DENND2B: variants seen among roughly 807,000 people sequenced by gnomAD.
The protein encoded by DENND2B is DENN domain containing 2B.
DENND2B carries 32 observed loss-of-function variants against 116.0 expected under a neutral mutation model. The ratio of observed to expected loss-of-function variants is 0.28; its 90% CI spans 0.21 to 0.37. The LOEUF is 0.37. Among genes scored for constraint, DENND2B ranks in the 10% least tolerant of loss-of-function variants. The pLI, the probability that DENND2B is intolerant of heterozygous loss-of-function variation, is 1.00. For missense variants in DENND2B, 1,276 were observed against 1,477.7 expected, an observed-to-expected ratio of 0.86 and a Z score of 2.24; for synonymous variants, 588 against 583.9, an observed-to-expected ratio of 1.01 and a Z score of -0.10.
chr11:8,851,025 G>A (rs2062986955), intron 3 of DENND2B, among the ~76,000 whole-genome samples: 1 of 152,100 alleles, frequency 6.6e-6, no homozygotes, highest in African/African-American at 2.4e-5. Flanking sequence ...CAGAGGCTAG[G>A]GGATGAAGGG....
At chr11:8,746,184 G>A (rs978180723) in intron 2 of DENND2B, among the ~76,000 whole-genome samples, 1 of 151,652 alleles carries the variant, frequency 6.6e-6, no homozygotes, top group East Asian at 1.9e-4. Context: ...CTACTCAGGA[G>A]ATTTTTCTTC....
intron 2 of DENND2B, among the ~76,000 whole-genome samples, chr11:8,731,908 C>A (rs78750346): frequency 0.014 from 2,068 of 152,300 alleles, 48 homozygotes; most frequent in African/African-American, 0.046. Flanking sequence ...GAACACTACT[C>A]CCTGAAGTGG....
At chr11:8,718,442 A>G in intron 4 of DENND2B, 2 of 1,520,148 alleles carry the variant, frequency 1.3e-6, no homozygotes, top group Non-Finnish European at 8.8e-7. Flanking sequence ...GATGCCGTTC[A>G]ACAAGTCTTT....
At chr11:8,905,124 T>A (rs1041713722) in intron 1 of DENND2B, among the ~76,000 whole-genome samples, 3 of 152,124 alleles carry the variant, frequency 2.0e-5, no homozygotes, top group Non-Finnish European at 2.9e-5. Flanking sequence ...ATAGTTGATA[T>A]ACTTCCCAAT....
intron 3 of DENND2B, among the ~76,000 whole-genome samples, chr11:8,848,228 T>C (rs1044023322): frequency 3.3e-5 from 5 of 152,196 alleles, no homozygotes; most frequent in African/African-American, 4.8e-5. Context: ...AAAAGAAATA[T>C]CTCTTAGAGC....
intron 19 of DENND2B, chr11:8,694,643 T>C (rs1160173806): frequency 2.2e-6 from 1 of 456,372 alleles, no homozygotes; most frequent in Admixed American, 2.3e-5. Flanking sequence ...ATGGGTTCCA[T>C]GTTTATAGAT....
chr11:8,905,797 C>A (rs2064228080), intron 1 of DENND2B, among the ~76,000 whole-genome samples: 1 of 151,520 alleles, frequency 6.6e-6, no homozygotes, highest in Non-Finnish European at 1.5e-5. Context: ...AATGGATAAA[C>A]AAAATGTAAT....
chr11:8,707,886 A>T lies in DENND2B; in HGVS notation c.2353-32T>A. ...CAGGACAAGGAGGAGGAGGAGAGAG[A>T]CAGACACAGAGAATGCATGATTACC... is the stretch of plus-strand genomic sequence containing the variant. On this transcript the variant is annotated intron_variant, in intron 11 of 19. Transcript: ENST00000313726. This position sits in a 1 kb window ranked among gnomAD's most constrained non-coding sequence, Gnocchi z 4.8. 6.3e-7 allele frequency: 1 copy of T among 1,590,554 alleles called. No homozygotes were observed. Among genetic ancestry groups the T allele is most frequent in the Non-Finnish European group, 8.6e-7 (1 of 1,168,776 alleles).
intron 2 of DENND2B, among the ~76,000 whole-genome samples, chr11:8,742,268 T>A (rs11042058): frequency 0.28 from 43,148 of 152,118 alleles, 6,535 homozygotes; most frequent in Middle Eastern, 0.43. Flanking sequence ...CAGTGCTCTG[T>A]CTGAATTCCT....
Position 8,730,028 on chromosome 11 carries a change from G to A in DENND2B, c.1262C>T (p.Pro421Leu). 6.2e-7 allele frequency: 1 copy of A among 1,614,232 alleles called. No homozygotes were observed. Among genetic ancestry groups the A allele is most frequent in the South Asian group, 1.1e-5 (1 of 91,084 alleles). The change falls in exon 3 of 20, where the codon CCC (proline) becomes CTC (leucine). Residue 421 changes from proline (P) to leucine (L), a missense_variant. By Grantham distance (98) the Pro-to-Leu change is moderately conservative. Around this residue, in one of 2 missense-constraint regions of DENND2B, gnomAD observed 856 missense variants for 846.6 expected, o/e 1.01. Coordinates refer to ENST00000313726, the MANE Select transcript of DENND2B (RefSeq NM_213618.2). The surrounding 1 kb of genome is among the most constrained non-coding windows in gnomAD (Gnocchi z 4.1). The part of the protein sequence containing the change: ...PPSPTPAAPP[P>L]LPSTPAPPVT... ...TGGCGGGGCTGGGGTGGAGGGCAAG[G>A]GAGGTGGAGCAGCAGGTGTGGGTGA...
intron 1 of DENND2B, among the ~76,000 whole-genome samples, chr11:8,767,348 T>A (rs950286402): frequency 6.6e-6 from 1 of 152,068 alleles, no homozygotes; most frequent in African/African-American, 2.4e-5. Flanking sequence ...GGCTCTCGTG[T>A]GAAAAAGGGA....
chr11:8,753,155 T>A, intron 1 of DENND2B, among the ~76,000 whole-genome samples: 1 of 152,022 alleles, frequency 6.6e-6, no homozygotes, highest in East Asian at 1.9e-4. Flanking sequence ...GAAAGTAACT[T>A]GAACCTGGGA....
At chr11:8,773,905 T>TA (rs1239048920) in intron 1 of DENND2B, among the ~76,000 whole-genome samples, 2 of 152,186 alleles carry the variant, frequency 1.3e-5, no homozygotes, top group Non-Finnish European at 2.9e-5. Context: ...GTAACATTTA[T>TA]AAAAAATAAT....
At chr11:8,786,059 T>C (rs945794704) in intron 1 of DENND2B, among the ~76,000 whole-genome samples, 1 of 152,194 alleles carries the variant, frequency 6.6e-6, no homozygotes, top group Non-Finnish European at 1.5e-5. Flanking sequence ...CTGAAAGAAG[T>C]GATATTTAAG....
At chr11:8,769,448 C>A (rs906169150) in intron 1 of DENND2B, among the ~76,000 whole-genome samples, 2 of 151,910 alleles carry the variant, frequency 1.3e-5, no homozygotes, top group Admixed American at 6.6e-5. Context: ...TTAGTAGAGA[C>A]GGAGTTTCAC....
intron 2 of DENND2B, among the ~76,000 whole-genome samples, chr11:8,862,034 A>C (rs1413522397): frequency 7.2e-6 from 1 of 139,426 alleles, no homozygotes. Flanking sequence ...CAGAAGGGGG[A>C]GGAAGGGAGG....
upstream of DENND2B, among the ~76,000 whole-genome samples, chr11:8,874,861 G>A (rs1292382716): frequency 6.6e-6 from 1 of 152,046 alleles, no homozygotes; most frequent in East Asian, 1.9e-4. Context: ...GGAGGTCCTG[G>A]CTCCAGTGAA....
intron 4 of DENND2B, among the ~76,000 whole-genome samples, chr11:8,817,811 T>C (rs78630564): frequency 0.021 from 3,181 of 152,162 alleles, 85 homozygotes; most frequent in East Asian, 0.099. Context: ...GCCAATTTTC[T>C]GAAATCTCTC....
At chr11:8,834,374 A>C (rs1422332195) in intron 4 of DENND2B, among the ~76,000 whole-genome samples, 1 of 152,256 alleles carries the variant, frequency 6.6e-6, no homozygotes, top group Non-Finnish European at 1.5e-5. Flanking sequence ...ACAGCATTGC[A>C]ACAAGAATGT....
Sources: allele counts gnomAD v4.1 joint callset (sites outside exome capture counted in the v4.1 genomes callset), GRCh38; gene constraint gnomAD v4.1.1; regional missense constraint gnomAD v4.1.1; non-coding constraint Gnocchi (gnomAD v3.1); transcripts MANE v1.5; gene names NCBI Gene and HGNC (gene_info 2026-07-23, HGNC 2026-07-21).